DSCAM: variants seen among roughly 807,000 people sequenced by gnomAD.
DSCAM encodes cell adhesion molecule DSCAM.
Under a neutral mutation model 217.7 loss-of-function variants are expected in DSCAM, and 47 were observed. That is an observed-to-expected ratio of 0.22 (90% CI 0.17 to 0.28). The LOEUF (loss-of-function observed/expected upper bound fraction) is 0.28. DSCAM is among the 10% of genes least tolerant of loss of function. DSCAM has a pLI of 1.00. For synonymous variants in DSCAM, 1,056 were observed against 1,015.3 expected (o/e 1.04, Z -0.76); for missense variants, 2,080 against 2,618.3 (o/e 0.79, Z 4.49).
chr21:40,824,458 G>A (rs1284487673), intron 1 of DSCAM, among the ~76,000 whole-genome samples: 1 of 139,108 alleles, frequency 7.2e-6, no homozygotes, highest in Non-Finnish European at 1.5e-5. Context: ...CACCCAGGCT[G>A]GAGTGCAGTG....
At chr21:40,501,363 C>G (rs554226285) in intron 3 of DSCAM, among the ~76,000 whole-genome samples, 2 of 152,234 alleles carry the variant, frequency 1.3e-5, no homozygotes, top group East Asian at 3.9e-4. Context: ...TGATGCGTTT[C>G]TACCCAGGTG....
chr21:40,180,434 T>A (rs1019032875), intron 14 of DSCAM, among the ~76,000 whole-genome samples: 3 of 151,954 alleles, frequency 2.0e-5, no homozygotes, highest in African/African-American at 7.3e-5. Context: ...TCAAGAAGAT[T>A]AGAGGTGGAA....
At chr21:40,408,737 CCT>C (rs2075299060) in intron 3 of DSCAM, among the ~76,000 whole-genome samples, 2 of 152,152 alleles carry the variant, frequency 1.3e-5, no homozygotes, top group Admixed American at 1.3e-4. Context: ...ATGCAGTACC[CCT>C]GTCTGACACA....
intron 1 of DSCAM, among the ~76,000 whole-genome samples, chr21:40,748,978 G>A (rs563217509): frequency 3.9e-5 from 6 of 152,200 alleles, no homozygotes; most frequent in African/African-American, 1.2e-4. Context: ...GTACTCATTG[G>A]GGAAAGGACA....
At chr21:40,267,137 T>C (rs1278115301) in intron 11 of DSCAM, among the ~76,000 whole-genome samples, 1 of 151,922 alleles carries the variant, frequency 6.6e-6, no homozygotes, top group Non-Finnish European at 1.5e-5. Flanking sequence ...AAACAATTCA[T>C]CTATGTCATC....
chr21:40,310,995 G>C (rs1310974777), intron 9 of DSCAM, among the ~76,000 whole-genome samples: 2 of 151,922 alleles, frequency 1.3e-5, no homozygotes, highest in African/African-American at 2.4e-5. Context: ...TTCTAAGTCT[G>C]TGTCACTTCC....
intron 3 of DSCAM, among the ~76,000 whole-genome samples, chr21:40,571,097 A>G (rs2076802952): frequency 6.6e-6 from 1 of 152,144 alleles, no homozygotes; most frequent in Non-Finnish European, 1.5e-5. Flanking sequence ...AAAAGAAAAA[A>G]AAATTGAAAA....
intron 3 of DSCAM, among the ~76,000 whole-genome samples, chr21:40,677,942 T>C (rs967549761): frequency 6.6e-6 from 1 of 151,966 alleles, no homozygotes; most frequent in African/African-American, 2.4e-5. Flanking sequence ...GCATGGTAAC[T>C]TGTTAATGCA....
intron 3 of DSCAM, among the ~76,000 whole-genome samples, chr21:40,444,020 C>T (rs920372722): frequency 1.3e-5 from 2 of 152,150 alleles, no homozygotes; most frequent in Non-Finnish European, 2.9e-5. Context: ...TTCCTTAAGA[C>T]AAGGAATAAG....
chr21:40,552,896 G>A (rs2076641715), intron 3 of DSCAM, among the ~76,000 whole-genome samples: 1 of 152,076 alleles, frequency 6.6e-6, no homozygotes, highest in Non-Finnish European at 1.5e-5. Flanking sequence ...TATGCTTAAG[G>A]ACTGAAGTAT....
At chr21:40,183,371 T>C (rs2090859077) in intron 14 of DSCAM, among the ~76,000 whole-genome samples, 1 of 152,154 alleles carries the variant, frequency 6.6e-6, no homozygotes, top group Non-Finnish European at 1.5e-5. Context: ...TTGCCACCTA[T>C]GGGAGAAGAA....
intron 20 of DSCAM, 47 bp from the exon 21 acceptor site, chr21:40,093,921 C>T: frequency 1.3e-6 from 2 of 1,578,634 alleles, no homozygotes; most frequent in Non-Finnish European, 1.7e-6. Flanking sequence ...AAGCATGTGG[C>T]AAAAATGGAT....
At chr21:40,381,533 G>A (rs574347392) in intron 3 of DSCAM, among the ~76,000 whole-genome samples, 1 of 152,274 alleles carries the variant, frequency 6.6e-6, no homozygotes, top group East Asian at 1.9e-4. Flanking sequence ...GTCAGAGCAC[G>A]GCACTTCAAC....
chr21:40,549,736 A>G (rs2076614277), intron 3 of DSCAM, among the ~76,000 whole-genome samples: 1 of 152,176 alleles, frequency 6.6e-6, no homozygotes, highest in Non-Finnish European at 1.5e-5. Context: ...TTAATCTGTT[A>G]TATTGACGTT....
chr21:40,826,257 G>T (rs1358070053), intron 1 of DSCAM, among the ~76,000 whole-genome samples: 1 of 152,174 alleles, frequency 6.6e-6, no homozygotes, highest in Non-Finnish European at 1.5e-5. Context: ...GCGGGAAAAG[G>T]CCAGGGTAGA....
chr21:40,824,007 A>T (rs947357523), intron 1 of DSCAM, among the ~76,000 whole-genome samples: 9 of 152,220 alleles, frequency 5.9e-5, no homozygotes, highest in African/African-American at 2.2e-4. Context: ...ACACAAGGCT[A>T]TAAAATCTAT....
At chr21:40,050,776 A>G (rs2088918351) in intron 30 of DSCAM, among the ~76,000 whole-genome samples, 1 of 152,120 alleles carries the variant, frequency 6.6e-6, no homozygotes, top group African/African-American at 2.4e-5. Context: ...CCCAGTCTGG[A>G]TCATTTTTTA....
At chr21:40,521,931 C>T (rs187038212) in intron 3 of DSCAM, among the ~76,000 whole-genome samples, 2 of 152,262 alleles carry the variant, frequency 1.3e-5, no homozygotes, top group Non-Finnish European at 2.9e-5. Context: ...CATTAAACAA[C>T]GTATACACGT....
At chr21:40,816,894 GA>G (rs200506407) in intron 1 of DSCAM, among the ~76,000 whole-genome samples, 27 of 149,072 alleles carry the variant, frequency 1.8e-4, no homozygotes, top group East Asian at 1.6e-3. Context: ...ATGAGAAAAA[GA>G]AAAAAAAAAT....
Sources: allele counts gnomAD v4.1 joint callset (sites outside exome capture counted in the v4.1 genomes callset), GRCh38; gene constraint gnomAD v4.1.1; transcripts MANE v1.5; gene names NCBI Gene and HGNC (gene_info 2026-07-23, HGNC 2026-07-21).